The following NEGR1 variants were observed in gnomAD, a reference collection of about 807,000 sequenced individuals.
The protein encoded by NEGR1 is neuronal growth regulator 1.
NEGR1 carries 10 observed loss-of-function variants against 40.9 expected under a neutral mutation model. The observed-to-expected ratio is 0.24, with a 90% CI of 0.15 to 0.42. NEGR1 has a LOEUF of 0.42. Ranked by LOEUF, NEGR1 falls within the 10% of genes least tolerant of loss-of-function variation. The pLI is 1.00. For synonymous variants in NEGR1, 185 were observed against 166.8 expected (o/e 1.11, Z -0.84); for missense variants, 352 against 438.9 (o/e 0.80, Z 1.77).
chr1:71,710,038 A>G (rs1449515210), intron 3 of NEGR1, among the ~76,000 whole-genome samples: 2 of 152,226 alleles, frequency 1.3e-5, no homozygotes, highest in Non-Finnish European at 2.9e-5. Context: ...AAACAACTAT[A>G]TAGGAAAATA....
intron 6 of NEGR1, among the ~76,000 whole-genome samples, chr1:71,575,809 C>CAAAACAAAACA (rs2101498339): frequency 6.6e-6 from 1 of 151,858 alleles, no homozygotes; most frequent in South Asian, 2.1e-4. Context: ...CAAAACAAAA[C>CAAAACAAAACA]AAAACAAAAA....
chr1:71,878,269 T>C (rs1329967350), intron 2 of NEGR1, among the ~76,000 whole-genome samples: 1 of 152,192 alleles, frequency 6.6e-6, no homozygotes, highest in Non-Finnish European at 1.5e-5. Context: ...TAGAAAAGAT[T>C]ATCCATCTCT....
intron 6 of NEGR1, among the ~76,000 whole-genome samples, chr1:71,483,841 T>C (rs1027156642): frequency 1.3e-5 from 2 of 151,766 alleles, no homozygotes; most frequent in Non-Finnish European, 2.9e-5. Flanking sequence ...TAAATGAAAA[T>C]GCCTAGCATT....
chr1:71,720,923 G>C (rs1654489246), intron 3 of NEGR1, among the ~76,000 whole-genome samples: 1 of 152,036 alleles, frequency 6.6e-6, no homozygotes, highest in Non-Finnish European at 1.5e-5. Context: ...GGAACAATGA[G>C]GCCAATAATC....
At chr1:71,885,347 C>T (rs938525000) in intron 2 of NEGR1, among the ~76,000 whole-genome samples, 1 of 152,188 alleles carries the variant, frequency 6.6e-6, no homozygotes, top group African/African-American at 2.4e-5. Flanking sequence ...AATTAAGAAA[C>T]CCTGCATAAG....
chr1:71,661,488 T>C (rs1437127790), intron 4 of NEGR1, among the ~76,000 whole-genome samples: 1 of 152,220 alleles, frequency 6.6e-6, no homozygotes, highest in African/African-American at 2.4e-5. Flanking sequence ...AGTAGAGATG[T>C]TTATCTAAAG....
intron 2 of NEGR1, among the ~76,000 whole-genome samples, chr1:71,932,766 T>C (rs113120077): frequency 4.5e-4 from 69 of 152,094 alleles, no homozygotes; most frequent in African/African-American, 1.5e-3. Flanking sequence ...AAAGAGCATA[T>C]GCTTCAAAAC....
intron 1 of NEGR1, among the ~76,000 whole-genome samples, chr1:72,143,893 TATTATATATATG>T (rs1175816150): frequency 2.5e-4 from 24 of 96,668 alleles, no homozygotes; most frequent in African/African-American, 1.0e-3. Flanking sequence ...CATATATATA[TATTATATATATG>T]ATATATATAA....
chr1:72,092,769 G>A (rs999009402), intron 1 of NEGR1, among the ~76,000 whole-genome samples: 3 of 152,010 alleles, frequency 2.0e-5, no homozygotes, highest in Non-Finnish European at 4.4e-5. Flanking sequence ...TACCACCTCA[G>A]CCTCCCAAGT....
intron 1 of NEGR1, among the ~76,000 whole-genome samples, chr1:72,114,094 T>C (rs1242197970): frequency 6.6e-6 from 1 of 151,806 alleles, no homozygotes; most frequent in Admixed American, 6.6e-5. Context: ...TGGTTAATTG[T>C]ATGTGTTAAC....
intron 6 of NEGR1, among the ~76,000 whole-genome samples, chr1:71,580,336 T>C (rs778161846): frequency 1.2e-4 from 18 of 150,758 alleles, no homozygotes; most frequent in Middle Eastern, 3.4e-3. Flanking sequence ...AGGGATAGCA[T>C]TGGGAGATAT....
chr1:71,699,779 G>T (rs1234623873), intron 3 of NEGR1, among the ~76,000 whole-genome samples: 5 of 151,992 alleles, frequency 3.3e-5, no homozygotes, highest in African/African-American at 1.2e-4. Context: ...ATTCTCACTT[G>T]TTGTGGGAGG....
In NEGR1 at chr1:71,539,417, G is replaced by A. The variant is rs1231868585; in HGVS notation, c.940+53400C>T. On this transcript the variant is annotated intron_variant, in intron 6 of 6. Coordinates refer to ENST00000357731, the MANE Select transcript of NEGR1 (RefSeq NM_173808.3). The stretch of plus-strand genomic sequence containing the variant: ...TGTTTGCAAAGGAAAGCCTACGAAG[G>A]AAAACATTAGCTGCACTCGGCCACC... Among the ~76,000 whole-genome samples, 7 of 151,644 alleles carry A rather than the reference G, an allele frequency of 4.6e-5. No homozygotes were observed. The East Asian group carries it at 1.4e-3, about 30-fold the overall frequency.
At chr1:72,134,332 A>C (rs906361650) in intron 1 of NEGR1, among the ~76,000 whole-genome samples, 1 of 150,818 alleles carries the variant, frequency 6.6e-6, no homozygotes, top group African/African-American at 2.4e-5. Context: ...TAGCCTCCTG[A>C]GTAGCTGGGA....
At chr1:71,676,266 C>T (rs899080126) in intron 4 of NEGR1, among the ~76,000 whole-genome samples, 6 of 152,020 alleles carry the variant, frequency 3.9e-5, no homozygotes, top group African/African-American at 1.2e-4. Flanking sequence ...AAATGTTCTT[C>T]TATTATGCCT....
intron 3 of NEGR1, among the ~76,000 whole-genome samples, chr1:71,737,153 G>T (rs1655063978): frequency 1.3e-5 from 2 of 152,094 alleles, no homozygotes; most frequent in East Asian, 1.9e-4. Context: ...AATTTTAAAA[G>T]AAATCCTTTT....
chr1:71,499,114 A>AT (rs1427684659), intron 6 of NEGR1, among the ~76,000 whole-genome samples: 1 of 152,068 alleles, frequency 6.6e-6, no homozygotes, highest in Non-Finnish European at 1.5e-5. Flanking sequence ...TTTCAGCAAG[A>AT]TTTTATTCTT....
At chr1:72,098,145 C>G (rs991294609) in intron 1 of NEGR1, among the ~76,000 whole-genome samples, 1 of 152,086 alleles carries the variant, frequency 6.6e-6, no homozygotes. Flanking sequence ...GGAAAAAGAA[C>G]AAGAAGCAGT....
intron 6 of NEGR1, among the ~76,000 whole-genome samples, chr1:71,559,075 A>G (rs1317008883): frequency 1.3e-5 from 2 of 148,508 alleles, no homozygotes; most frequent in African/African-American, 2.5e-5. Context: ...ATGCATATAT[A>G]TATGTATATA....
Sources: allele counts gnomAD v4.1 joint callset (sites outside exome capture counted in the v4.1 genomes callset), GRCh38; gene constraint gnomAD v4.1.1; transcripts MANE v1.5; gene names NCBI Gene and HGNC (gene_info 2026-07-23, HGNC 2026-07-21).